Variants in GRHL2 observed in about 807,000 individuals in gnomAD.
The protein encoded by GRHL2 is grainyhead like transcription factor 2, also known as grainyhead-like protein 2 homolog.
Under a neutral mutation model 83.8 loss-of-function variants are expected in GRHL2, and 21 were observed. That is an observed-to-expected ratio of 0.25 (90% CI 0.18 to 0.36). The LOEUF (loss-of-function observed/expected upper bound fraction) is 0.36, where lower values mean the gene tolerates loss of function less well. Among genes scored for constraint, GRHL2 ranks in the 10% least tolerant of loss-of-function variants. The pLI is 1.00. For missense variants in GRHL2, 623 were observed against 781.8 expected, an observed-to-expected ratio of 0.80 and a Z score of 2.42; for synonymous variants, 280 against 278.9, an observed-to-expected ratio of 1.00 and a Z score of -0.04.
intron 7 of GRHL2, among the ~76,000 whole-genome samples, chr8:101,589,961 T>G (rs1019489068): frequency 2.0e-5 from 3 of 152,092 alleles, no homozygotes; most frequent in Non-Finnish European, 4.4e-5. Flanking sequence ...AAACTGACTG[T>G]GGGGGATGGG....
chr8:101,569,312 C>T (rs1447379349), intron 4 of GRHL2, among the ~76,000 whole-genome samples: 1 of 152,116 alleles, frequency 6.6e-6, no homozygotes, highest in Non-Finnish European at 1.5e-5. Flanking sequence ...TAATACTAAA[C>T]TTAGTTTCCC....
At chr8:101,517,728 T>C (rs1482353816) in intron 1 of GRHL2, among the ~76,000 whole-genome samples, 5 of 130,466 alleles carry the variant, frequency 3.8e-5, no homozygotes, top group African/African-American at 1.3e-4. Flanking sequence ...GACTTTCATG[T>C]CCGTTTGCAG....
At chr8:101,603,169 G>A (rs1433470227) in intron 8 of GRHL2, among the ~76,000 whole-genome samples, 2 of 151,304 alleles carry the variant, frequency 1.3e-5, no homozygotes, top group Non-Finnish European at 1.5e-5. Context: ...GGTTTTTTTT[G>A]CACCAAGTTT....
chr8:101,573,984 T>C (rs1811881586), intron 6 of GRHL2, 160 bp downstream of exon 6: 3 of 790,418 alleles, frequency 3.8e-6, no homozygotes, highest in African/African-American at 1.7e-5. Context: ...TATTGGCTCG[T>C]AGTTGATCAT....
At chr8:101,589,610 A>T in intron 7 of GRHL2, among the ~76,000 whole-genome samples, 1 of 152,228 alleles carries the variant, frequency 6.6e-6, no homozygotes, top group South Asian at 2.1e-4. Flanking sequence ...CATTGTCTAT[A>T]TAATTCCTTC....
At chr8:101,658,228 A>G (rs11997709) in intron 14 of GRHL2, among the ~76,000 whole-genome samples, 3,667 of 152,286 alleles carry the variant, frequency 0.024, 142 homozygotes, top group African/African-American at 0.082. Flanking sequence ...GCTTCTTTGT[A>G]CAGTTGCTTC....
At position 101,573,694 on chromosome 8, in the gene GRHL2, C is replaced by T. The variant is rs768116402; in HGVS notation, c.761C>T (p.Ala254Val). Residue 254 changes from alanine (A) to valine (V), a missense_variant, in exon 6 of 16, where the codon GCC becomes GTC. Coordinates refer to ENST00000646743, the MANE Select transcript of GRHL2 (RefSeq NM_024915.4). The stretch of plus-strand genomic sequence containing the variant: ...GGCACATTTCAGTACACCCTGGAAG[C>T]CACCAAATCTCTCCGTCAGAAGCAG... The part of the protein sequence containing the change: ...SSGTFQYTLE[A>V]TKSLRQKQGE... 6.2e-7 allele frequency: 1 copy of T among 1,614,190 alleles called. No individual in the cohort carries two copies. The highest frequency in any genetic ancestry group is 8.5e-7 in the Non-Finnish European group (1 of 1,180,024).
At chr8:101,538,486 C>G (rs1811089323) in intron 1 of GRHL2, among the ~76,000 whole-genome samples, 1 of 152,152 alleles carries the variant, frequency 6.6e-6, no homozygotes. Flanking sequence ...GCTGTGATTG[C>G]TCTGGCGATC....
chr8:101,543,593 CT>C (rs1811200239), intron 2 of GRHL2, 157 bp downstream of exon 2: 1 of 719,630 alleles, frequency 1.4e-6, no homozygotes, highest in Non-Finnish European at 2.5e-6. Flanking sequence ...TTGCTCCCTG[CT>C]TCCCCATCTA....
intron 1 of GRHL2, among the ~76,000 whole-genome samples, chr8:101,512,049 C>G (rs908484462): frequency 1.3e-5 from 2 of 151,880 alleles, no homozygotes; most frequent in African/African-American, 4.8e-5. Flanking sequence ...CTATTTATGC[C>G]TATGAAGCAA....
At chr8:101,574,245 G>C (rs1225369985) in intron 6 of GRHL2, among the ~76,000 whole-genome samples, 1 of 152,224 alleles carries the variant, frequency 6.6e-6, no homozygotes, top group Non-Finnish European at 1.5e-5. Context: ...GGTGGAACTT[G>C]GTTTCAAAGC....
chr8:101,600,048 G>A (rs1239290719), intron 8 of GRHL2, among the ~76,000 whole-genome samples: 1 of 152,200 alleles, frequency 6.6e-6, no homozygotes, highest in African/African-American at 2.4e-5. Context: ...TGCTCTGGTC[G>A]ATGCTTTATT....
chr8:101,600,549 C>A (rs554839580), intron 8 of GRHL2, among the ~76,000 whole-genome samples: 1 of 152,324 alleles, frequency 6.6e-6, no homozygotes, highest in African/African-American at 2.4e-5. Flanking sequence ...CCTGTTCTCT[C>A]AGAGGCTAGA....
At chr8:101,597,792 G>A (rs1812422331) in intron 7 of GRHL2, among the ~76,000 whole-genome samples, 1 of 151,064 alleles carries the variant, frequency 6.6e-6, no homozygotes, top group African/African-American at 2.4e-5. Flanking sequence ...TAACAAACCT[G>A]CACATTGTGC....
In GRHL2 at chr8:101,524,884, C is replaced by CTTGTTT. The variant is rs1158635402; in HGVS notation, c.21-18354_21-18349dup. On this transcript the variant is annotated intron_variant, in intron 1 of 15. Coordinates refer to ENST00000646743, the MANE Select transcript of GRHL2 (RefSeq NM_024915.4). ...TATTATAATTGCTGATATATAGAGT[C>CTTGTTT]TTGTTTTTTCTATGCCATACCATTA... 7.3e-4 allele frequency among the ~76,000 whole-genome samples: 110 copies of CTTGTTT among 151,698 alleles called. 1 individual carries two copies. The highest frequency in any genetic ancestry group is 7.2e-3 in the Admixed American group (110 of 15,244).
chr8:101,580,253 CAG>C (rs1812022505), intron 7 of GRHL2, among the ~76,000 whole-genome samples: 1 of 152,192 alleles, frequency 6.6e-6, no homozygotes, highest in Non-Finnish European at 1.5e-5. Context: ...ATGATCAAAT[CAG>C]GGCATTTGGG....
chr8:101,676,281 G>A, the GRHL2 span, among the ~76,000 whole-genome samples: 51 of 151,760 alleles, frequency 3.4e-4, no homozygotes, highest in Non-Finnish European at 6.0e-4. Context: ...GCAACCTACA[G>A]AATGGGAGAA....
chr8:101,523,608 T>A (rs1359930624), intron 1 of GRHL2, among the ~76,000 whole-genome samples: 1 of 152,028 alleles, frequency 6.6e-6, no homozygotes, highest in African/African-American at 2.4e-5. Flanking sequence ...CCCAAGTAGC[T>A]GGGACTACAA....
intron 1 of GRHL2, among the ~76,000 whole-genome samples, chr8:101,495,036 T>A (rs1810067365): frequency 6.6e-6 from 1 of 152,250 alleles, no homozygotes; most frequent in African/African-American, 2.4e-5. Flanking sequence ...TTTTTGCGAA[T>A]TCTAGCCTCG....
Sources: allele counts gnomAD v4.1 joint callset (sites outside exome capture counted in the v4.1 genomes callset), GRCh38; gene constraint gnomAD v4.1.1; transcripts MANE v1.5; gene names NCBI Gene and HGNC (gene_info 2026-07-23, HGNC 2026-07-21).